IREB2: variants seen among roughly 807,000 people sequenced by gnomAD.
IREB2 encodes the protein iron-responsive element-binding protein 2.
IREB2 carries 39 observed loss-of-function variants against 118.8 expected under a neutral mutation model. The ratio of observed to expected loss-of-function variants is 0.33; its 90% CI spans 0.25 to 0.43. The LOEUF (loss-of-function observed/expected upper bound fraction) is 0.43, where lower values mean the gene tolerates loss of function less well. IREB2 is among the 20% of genes least tolerant of loss of function. The probability of loss-of-function intolerance (pLI) is 1.00; values close to 1 mark genes in which losing one functional copy is unlikely to be tolerated. For missense variants in IREB2, 900 were observed against 1,147.3 expected, an observed-to-expected ratio of 0.78 and a Z score of 3.11; for synonymous variants, 372 against 392.2, an observed-to-expected ratio of 0.95 and a Z score of 0.61.
intron 2 of IREB2, among the ~76,000 whole-genome samples, chr15:78,443,994 C>T (rs1472885119): frequency 2.6e-5 from 4 of 151,998 alleles, no homozygotes; most frequent in African/African-American, 4.8e-5. Context: ...TCTGGCACTC[C>T]CAATGTGCTG....
chr15:78,452,866 C>G (rs1395918901), intron 2 of IREB2, among the ~76,000 whole-genome samples: 5 of 152,188 alleles, frequency 3.3e-5, no homozygotes, highest in African/African-American at 1.2e-4. Flanking sequence ...GGATCAGAGA[C>G]AATGGACAGT....
At chr15:78,477,717 T>C (rs1320918864) in intron 9 of IREB2, among the ~76,000 whole-genome samples, 15 of 151,728 alleles carry the variant, frequency 9.9e-5, no homozygotes, top group Admixed American at 9.9e-4. Context: ...TCCAGGAGTT[T>C]AAGACTAGCT....
chr15:78,456,383 G>A (rs1355362188), intron 2 of IREB2, among the ~76,000 whole-genome samples: 1 of 152,224 alleles, frequency 6.6e-6, no homozygotes, highest in East Asian at 1.9e-4. Context: ...GTGGGACCAG[G>A]TGTGGTGGCT....
intron 4 of IREB2, among the ~76,000 whole-genome samples, 186 bp from the exon 5 acceptor site, chr15:78,466,085 A>C (rs776668545): frequency 6.6e-6 from 1 of 152,114 alleles, no homozygotes; most frequent in Non-Finnish European, 1.5e-5. Flanking sequence ...AATTTAAATG[A>C]CCTGTTTCTT....
chr15:78,487,625 T>C, intron 13 of IREB2, 108 bp from the exon 14 acceptor site: 2 of 664,848 alleles, frequency 3.0e-6, no homozygotes, highest in Non-Finnish European at 2.7e-6. Flanking sequence ...GTGTCATGAA[T>C]AGTCTTTTAA....
chr15:78,485,837 T>C lies in IREB2; in HGVS notation c.1706T>C (p.Leu569Pro). The change falls in exon 13 of 22, where the codon CTT becomes CCT. Residue 569 changes from leucine (L) to proline (P), a missense_variant. Physicochemically the swap from Leu to Pro is moderately conservative, Grantham distance 98 (BLOSUM62 -3). Transcript: ENST00000258886. Reference protein sequence around the residue: ...SSGVLPYLSKLGFEIVGYGCS... With the variant: ...SSGVLPYLSKPGFEIVGYGCS... ...GGAGTATTACCATATCTAAGTAAGC[T>C]TGGGTAAGTAACAGCTATCGCACTT... is the stretch of plus-strand genomic sequence containing the variant. The C allele has an allele frequency of 6.2e-7, 1 of 1,613,236 alleles. No homozygotes were observed. Among genetic ancestry groups the C allele is most frequent in the Non-Finnish European group, 8.5e-7 (1 of 1,179,480 alleles).
chr15:78,476,055 T>A, intron 8 of IREB2, 133 bp from the exon 9 acceptor site: 1 of 550,860 alleles, frequency 1.8e-6, no homozygotes, highest in South Asian at 4.0e-5. Flanking sequence ...AGTTGATTCA[T>A]AAGGACAATG....
intron 13 of IREB2, among the ~76,000 whole-genome samples, chr15:78,486,720 A>C (rs1380293810): frequency 3.3e-5 from 5 of 151,966 alleles, no homozygotes; most frequent in Admixed American, 2.6e-4. Flanking sequence ...CCCACACTGG[A>C]GTGCAGTGGT....
chr15:78,469,266 T>C (rs1203175937), intron 5 of IREB2, among the ~76,000 whole-genome samples: 2 of 152,158 alleles, frequency 1.3e-5, no homozygotes, highest in Admixed American at 1.3e-4. Context: ...AATAAATGTT[T>C]GTATGGCACT....
At position 78,479,198 on chromosome 15, in the gene IREB2, G is replaced by T. The variant is rs1049104367; in HGVS notation, c.1296+801G>T. On this transcript the variant is annotated intron_variant, in intron 10 of 21. Transcript: ENST00000258886. ...TGGTCTCATACTTCTGGTTTCAGGG[G>T]ATTCTCTAGTCTTGGCCTCCCAGAG... Among the ~76,000 whole-genome samples the T allele has an allele frequency of 2.6e-5, 4 of 151,884 alleles. 1 individual carries two copies. Among genetic ancestry groups the T allele is most frequent in the Middle Eastern group, 6.3e-3 (2 of 316 alleles).
chr15:78,484,894 G>A lies in IREB2; in HGVS notation c.1547G>A (p.Cys516Tyr). The A allele has an allele frequency of 1.2e-6, 2 of 1,613,686 alleles. No homozygotes were observed. Among genetic ancestry groups the A allele is most frequent in the African/African-American group, 2.7e-5 (2 of 75,030 alleles). Residue 516 changes from cysteine (C) to tyrosine (Y), a missense_variant, in exon 12 of 22, where the codon TGC becomes TAC. Transcript: ENST00000258886. The part of the protein sequence containing the change: ...IAAVISCTNN[C>Y]NPSVMLAAGL... ...GCAGTTATCAGTTGTACCAATAATT[G>A]CAATCCATCTGTCATGCTTGCTGCA...
intron 2 of IREB2, among the ~76,000 whole-genome samples, chr15:78,447,675 C>T (rs1363885004): frequency 6.6e-6 from 1 of 152,070 alleles, no homozygotes; most frequent in Non-Finnish European, 1.5e-5. Flanking sequence ...CTCCTGAACT[C>T]CTGACCTCAA....
At chr15:78,470,429 A>G (rs2051355919) in intron 5 of IREB2, 103 bp from the exon 6 acceptor site, 2 of 612,116 alleles carry the variant, frequency 3.3e-6, no homozygotes, top group South Asian at 3.1e-5. Context: ...GATTTTAAGA[A>G]TATATTTGTG....
At chr15:78,442,246 ATTAC>A (rs10535974) in intron 2 of IREB2, among the ~76,000 whole-genome samples, 44,087 of 151,734 alleles carry the variant, frequency 0.29, 6,698 homozygotes, top group Middle Eastern at 0.39. Flanking sequence ...TTAAGTAATA[ATTAC>A]TTAAGTAATT....
At chr15:78,454,685 C>G (rs2051077447) in intron 2 of IREB2, among the ~76,000 whole-genome samples, 1 of 152,122 alleles carries the variant, frequency 6.6e-6, no homozygotes, top group African/African-American at 2.4e-5. Context: ...CCTTAATAAA[C>G]TTAGGACTTG....
At chr15:78,481,521 A>G (rs1221721937) in intron 10 of IREB2, among the ~76,000 whole-genome samples, 1 of 24,530 alleles carries the variant, frequency 4.1e-5, no homozygotes, top group Admixed American at 5.8e-4. Flanking sequence ...ACACCTCGCT[A>G]ATTTTTTTTT....
Position 78,439,825 on chromosome 15 carries a change from T to A in IREB2, c.50T>A (p.Leu17Ter). Residue 17 changes from leucine (L) to a stop codon, truncating the protein, a stop_gained, in exon 2 of 22, where the codon TTA (leucine) becomes TAA (stop). Coordinates refer to ENST00000258886, the MANE Select transcript of IREB2 (RefSeq NM_004136.4). LOFTEE classifies it high-confidence loss of function. ...GCCTTTGAGTACCTTATTGAAACATTAAATGACAGTTCACATAAGAAGTTC... is the reference window on the plus strand; with the variant it reads ...GCCTTTGAGTACCTTATTGAAACATAAAATGACAGTTCACATAAGAAGTTC... ...GYAFEYLIET[L>*]NDSSHKKFFD... 1 of 1,598,310 alleles carries A rather than the reference T, an allele frequency of 6.3e-7. No homozygotes were observed. The highest frequency in any genetic ancestry group is 8.5e-7 in the Non-Finnish European group (1 of 1,172,530).
intron 5 of IREB2, among the ~76,000 whole-genome samples, chr15:78,467,588 G>T (rs190733168): frequency 1.1e-3 from 166 of 152,090 alleles, no homozygotes; most frequent in Middle Eastern, 3.4e-3. Context: ...ATACTTGGGT[G>T]GCTGAGGCAT....
intron 2 of IREB2, among the ~76,000 whole-genome samples, chr15:78,452,718 G>A (rs2051046114): frequency 6.6e-6 from 1 of 151,986 alleles, no homozygotes; most frequent in African/African-American, 2.4e-5. Context: ...ACCAGCCTGG[G>A]CAACATAGTG....
Sources: allele counts gnomAD v4.1 joint callset (sites outside exome capture counted in the v4.1 genomes callset), GRCh38; gene constraint gnomAD v4.1.1; transcripts MANE v1.5; gene names NCBI Gene and HGNC (gene_info 2026-07-23, HGNC 2026-07-21).